The following ADA variants were observed in gnomAD, a reference collection of about 807,000 sequenced individuals.
ADA encodes adenosine deaminase.
In ADA, 45 loss-of-function variants were observed where a neutral mutation model predicts 49.0. That is an observed-to-expected ratio of 0.92 (90% CI 0.72 to 1.18). The LOEUF is 1.18. Among genes scored for constraint, ADA ranks in the 50% most tolerant of loss-of-function variants. The probability of loss-of-function intolerance (pLI) is 0.00; values close to 1 mark genes in which losing one functional copy is unlikely to be tolerated. For synonymous variants in ADA, 173 were observed against 184.2 expected, an observed-to-expected ratio of 0.94 and a Z score of 0.49; for missense variants, 445 against 472.5, an observed-to-expected ratio of 0.94 and a Z score of 0.54.
In ADA at chr20:44,619,825, G is replaced by C; in HGVS notation, c.*9C>G. The C allele has an allele frequency of 6.2e-7, 1 of 1,614,240 alleles. No individual in the cohort carries two copies. The highest frequency in any genetic ancestry group is 8.5e-7 in the Non-Finnish European group (1 of 1,180,038). On this transcript the variant is annotated 3_prime_UTR_variant, in exon 12 of 12. Transcript: ENST00000372874. ...CTCCACAGGGTGAAGGCTTGGAGGAGTGGCGTCTTCAGAGGTTCTGCCCTG... is the reference window on the plus strand; with the variant it reads ...CTCCACAGGGTGAAGGCTTGGAGGACTGGCGTCTTCAGAGGTTCTGCCCTG...
At chr20:44,623,714 T>TCCCTCC in intron 6 of ADA, among the ~76,000 whole-genome samples, 3 of 140,234 alleles carry the variant, frequency 2.1e-5, no homozygotes, top group African/African-American at 9.6e-5. Context: ...TTCCTTCCTC[T>TCCCTCC]CTTTCTTTCT....
chr20:44,634,622 C>T (rs2065463058), intron 2 of ADA, among the ~76,000 whole-genome samples: 1 of 152,212 alleles, frequency 6.6e-6, no homozygotes, highest in Non-Finnish European at 1.5e-5. Flanking sequence ...GAGTGTTTGG[C>T]ACACAGGAGG....
Position 44,620,401 on chromosome 20 carries a change from T to C in ADA, c.976A>G (p.Asn326Asp). ...AAACTAGATTTGGCCGCATTGATGT[T>C]CTGGAAAGGCCAGAATGGCAGACAA... is the stretch of plus-strand genomic sequence containing the variant. The part of the protein sequence containing the change: ...GFTEEEFKRL[N>D]INAAKSSFLP... The change falls in exon 11 of 12, where the codon AAC (asparagine) becomes GAC (aspartate). Residue 326 changes from asparagine to aspartate, a missense_variant and splice_region_variant. Physicochemically the swap from Asn to Asp is conservative, Grantham distance 23. Coordinates refer to ENST00000372874, the MANE Select transcript of ADA (RefSeq NM_000022.4). 1 of 1,613,892 alleles carries C rather than the reference T, an allele frequency of 6.2e-7. No individual in the cohort carries two copies. Among genetic ancestry groups the C allele is most frequent in the Admixed American group, 1.7e-5 (1 of 60,020 alleles).
rs2065311673 is a variant in ADA, at chr20:44,619,910, A to T, written c.1079-63T>A. 5 of 1,607,706 alleles carry T rather than the reference A, an allele frequency of 3.1e-6. No homozygotes were observed. In the Admixed American group the frequency reaches 6.7e-5, roughly 21 times the overall value. ...CTTGTAGTACCCAGGATGTTGTAAA[A>T]ATCATAGAACACCAGAACCAGAAAG... On this transcript the variant is annotated intron_variant, in intron 11 of 11. Transcript: ENST00000372874.
chr20:44,639,057 C>T (rs1016370665), intron 1 of ADA, among the ~76,000 whole-genome samples: 2 of 152,122 alleles, frequency 1.3e-5, no homozygotes, highest in Non-Finnish European at 2.9e-5. Flanking sequence ...CAGGGCTGTG[C>T]GGGCCACGAG....
In ADA at chr20:44,622,862, A is replaced by G. The variant is rs2123518034; in HGVS notation, c.747T>C (p.Tyr249=). 6.2e-7 allele frequency: 1 copy of G among 1,614,198 alleles called. No homozygotes were observed. Among genetic ancestry groups the G allele is most frequent in the Non-Finnish European group, 8.5e-7 (1 of 1,180,020 alleles). ...GYHTLEDQAL[Y]NRLRQENMHF... ...GCATGTTTTCCTGCCGCAGCCTGTT[A>G]TAAAGGGCCTGGTCTTCCAGGGTGT... The change falls in exon 8 of 12, where the codon TAT becomes TAC. Residue 249 remains tyrosine, a synonymous_variant. Transcript: ENST00000372874.
Position 44,651,649 on chromosome 20 carries a change from T to A in ADA, c.-42A>T. ...CCGGCGCTGCTCCCTCCGCCGCCGC[T>A]CGGTGGGTCTCTGCCGGCTCGGTGG... On this transcript the variant is annotated 5_prime_UTR_variant, in exon 1 of 12. Coordinates refer to ENST00000372874, the MANE Select transcript of ADA (RefSeq NM_000022.4). 1 of 1,496,890 alleles carries A rather than the reference T, an allele frequency of 6.7e-7. No homozygotes were observed. The highest frequency in any genetic ancestry group is 1.2e-5 in the South Asian group (1 of 80,780). 92.7% of individuals were successfully genotyped at this position (1,496,890 alleles called of 1,614,324 possible). A position where few individuals can be genotyped will look rare whatever the true frequency, so the allele number is the denominator to read the frequency against.
At chr20:44,646,483 A>G (rs891978850) in intron 1 of ADA, among the ~76,000 whole-genome samples, 2 of 150,790 alleles carry the variant, frequency 1.3e-5, no homozygotes, top group African/African-American at 5.0e-5. Context: ...GAGATTCTGC[A>G]GCTGGAGAGG....
intron 1 of ADA, 100 bp downstream of exon 1, chr20:44,651,475 T>G: frequency 8.2e-7 from 1 of 1,213,392 alleles, no homozygotes; most frequent in Non-Finnish European, 1.2e-6. Context: ...GGAGCCCCCG[T>G]TCGTTCCCAG....
intron 1 of ADA, among the ~76,000 whole-genome samples, chr20:44,647,853 G>A (rs893330649): frequency 2.0e-5 from 3 of 152,152 alleles, no homozygotes; most frequent in South Asian, 4.1e-4. Context: ...GGAGGTGGAG[G>A]TTGTAGTGAG....
At chr20:44,642,559 G>A (rs981997079) in intron 1 of ADA, among the ~76,000 whole-genome samples, 3 of 152,196 alleles carry the variant, frequency 2.0e-5, no homozygotes, top group African/African-American at 4.8e-5. Context: ...GTTGGCCAGA[G>A]TGCAGAGTGA....
At chr20:44,635,077 G>C (rs1445054666) in intron 2 of ADA, among the ~76,000 whole-genome samples, 1 of 152,236 alleles carries the variant, frequency 6.6e-6, no homozygotes, top group Non-Finnish European at 1.5e-5. Flanking sequence ...TTCGCAGACA[G>C]GAGATAATAT....
chr20:44,622,709 C>G lies in ADA; in HGVS notation c.781-57G>C. ...GGCCCCAGGCCATGCTGATTCCTCCCCCCATGTCTGGGCCTGGGGCCACCC... is the reference window on the plus strand; with the variant it reads ...GGCCCCAGGCCATGCTGATTCCTCCGCCCATGTCTGGGCCTGGGGCCACCC... On this transcript the variant is annotated intron_variant, in intron 8 of 11. Transcript: ENST00000372874. 3.7e-6 allele frequency: 6 copies of G among 1,613,324 alleles called. No individual in the cohort carries two copies. The South Asian group carries it at 5.5e-5, about 15-fold the overall frequency.
intron 1 of ADA, among the ~76,000 whole-genome samples, chr20:44,644,473 C>T (rs1440273845): frequency 1.3e-5 from 2 of 152,182 alleles, no homozygotes; most frequent in East Asian, 1.9e-4. Flanking sequence ...GCAGAACCCA[C>T]ACGGGGGCAG....
chr20:44,638,793 G>A (rs1177778170), intron 1 of ADA, among the ~76,000 whole-genome samples: 1 of 152,142 alleles, frequency 6.6e-6, no homozygotes, highest in African/African-American at 2.4e-5. Context: ...CTATGACAGA[G>A]GGTAACAAAC....
intron 2 of ADA, among the ~76,000 whole-genome samples, chr20:44,632,247 T>C (rs1021833776): frequency 2.6e-5 from 4 of 151,932 alleles, no homozygotes; most frequent in African/African-American, 9.7e-5. Context: ...GCATTGGAAG[T>C]GCAGGGTGGC....
chr20:44,647,162 C>T (rs1222083558), intron 1 of ADA, among the ~76,000 whole-genome samples: 5 of 152,010 alleles, frequency 3.3e-5, no homozygotes, highest in Admixed American at 6.5e-5. Context: ...TGGCCGGGTG[C>T]GGTGGCTCAT....
chr20:44,629,417 A>AGTGTGTGT (rs71825229), intron 2 of ADA, among the ~76,000 whole-genome samples: 1 of 150,280 alleles, frequency 6.7e-6, no homozygotes, highest in Non-Finnish European at 1.5e-5. Context: ...AACAGGTTGA[A>AGTGTGTGT]GTGTGTGTGT....
At chr20:44,641,772 G>GTTT (rs531940059) in intron 1 of ADA, among the ~76,000 whole-genome samples, 1 of 143,392 alleles carries the variant, frequency 7.0e-6, no homozygotes, top group Non-Finnish European at 1.5e-5. Flanking sequence ...TGTTGTTGTT[G>GTTT]TTTTTTTTTT....
Sources: gnomAD v4.1 joint callset for allele counts (sites outside exome capture counted in the v4.1 genomes callset) on GRCh38, gnomAD v4.1.1 for gene constraint, MANE v1.5 for transcripts, NCBI Gene and HGNC (gene_info 2026-07-23, HGNC 2026-07-21) for gene names.